MRM1: variants seen among roughly 807,000 people sequenced by gnomAD.
MRM1 encodes mitochondrial rRNA methyltransferase 1, also known as rRNA methyltransferase 1, mitochondrial.
A neutral mutation model predicts 25.0 loss-of-function variants in MRM1; 24 were observed. The observed-to-expected ratio is 0.96, with a 90% CI of 0.69 to 1.35. The LOEUF is 1.35. Ranked by LOEUF, MRM1 falls within the 40% of genes most tolerant of loss-of-function variation. The pLI is 0.00. For synonymous variants in MRM1, 188 were observed against 199.2 expected, an observed-to-expected ratio of 0.94 and a Z score of 0.47; for missense variants, 431 against 464.1, an observed-to-expected ratio of 0.93 and a Z score of 0.65.
At chr17:36,604,038 C>T (rs1197508220) in intron 2 of MRM1, among the ~76,000 whole-genome samples, 2 of 152,212 alleles carry the variant, frequency 1.3e-5, no homozygotes, top group East Asian at 1.9e-4. Context: ...GAGTGTCATC[C>T]GCCTGTTGCT....
chr17:36,632,124 G>A, the MRM1 span, among the ~76,000 whole-genome samples: 1 of 152,046 alleles, frequency 6.6e-6, no homozygotes, highest in South Asian at 2.1e-4. Flanking sequence ...CAAAGTGCTG[G>A]GATTACAGCT....
chr17:36,620,480 G>T, the MRM1 span, among the ~76,000 whole-genome samples: 14 of 152,290 alleles, frequency 9.2e-5, no homozygotes, highest in African/African-American at 3.4e-4. Context: ...CCAGTAGGAG[G>T]CCCAGGGAGG....
the MRM1 span, among the ~76,000 whole-genome samples, chr17:36,625,384 G>A: frequency 8.8e-5 from 6 of 67,810 alleles, no homozygotes; most frequent in East Asian, 6.2e-4. Flanking sequence ...CTTCCTCTTC[G>A]CTCTTCGTCT....
At chr17:36,627,290 G>A in the MRM1 span, among the ~76,000 whole-genome samples, 1,314 of 152,296 alleles carry the variant, frequency 8.6e-3, 18 homozygotes, top group African/African-American at 0.029. Flanking sequence ...GGAAGTGAGC[G>A]GGCTCCGTCA....
Position 36,608,518 on chromosome 17 carries a change from C to A in MRM1, c.*103C>A. On this transcript the variant is annotated 3_prime_UTR_variant, in exon 5 of 5. Coordinates refer to ENST00000614766, the MANE Select transcript of MRM1 (RefSeq NM_024864.5). ...GCCTCTGCCTGAGTGTGCACCAGGCCCATGTTTATTGACCACAGTCTGGGG... is the reference window on the plus strand; with the variant it reads ...GCCTCTGCCTGAGTGTGCACCAGGCACATGTTTATTGACCACAGTCTGGGG... The A allele has an allele frequency of 1.3e-6, 1 of 789,264 alleles. No homozygotes were observed. Among genetic ancestry groups the A allele is most frequent in the Non-Finnish European group, 1.8e-6 (1 of 543,096 alleles). The allele number at this position is 789,264 out of a possible 1,614,324, so 48.9% of individuals were successfully genotyped here.
chr17:36,627,460 T>C, the MRM1 span, among the ~76,000 whole-genome samples: 1 of 152,202 alleles, frequency 6.6e-6, no homozygotes, highest in Non-Finnish European at 1.5e-5. Flanking sequence ...CCCATCCCTA[T>C]CCGGTGGAAA....
chr17:36,619,677 A>C, the MRM1 span, among the ~76,000 whole-genome samples: 1 of 152,122 alleles, frequency 6.6e-6, no homozygotes, highest in East Asian at 1.9e-4. Flanking sequence ...GAAAAAAAAA[A>C]AAAGACGCTG....
chr17:36,620,015 G>A, the MRM1 span, among the ~76,000 whole-genome samples: 3 of 152,044 alleles, frequency 2.0e-5, no homozygotes, highest in East Asian at 1.9e-4. Context: ...ATGTCCATTC[G>A]TGCTCTTTGT....
Position 36,608,721 on chromosome 17 carries a change from G to A in MRM1, c.*306G>A, listed in dbSNP as rs1489876658. On this transcript the variant is annotated 3_prime_UTR_variant, in exon 5 of 5. Transcript: ENST00000614766. The stretch of plus-strand genomic sequence containing the variant: ...GAGGGAAAGTTTAGACATCTGCAGA[G>A]AGGCAGGCAGCCCAGCCCAGGGGAC... 11 of 345,626 alleles carry A rather than the reference G, an allele frequency of 3.2e-5. No homozygotes were observed. The Admixed American group carries it at 4.8e-4, about 15-fold the overall frequency. 21.4% of individuals were successfully genotyped at this position (345,626 alleles called of 1,614,324 possible). A position where few individuals can be genotyped will look rare whatever the true frequency, so the allele number is the denominator to read the frequency against.
chr17:36,612,345 TAC>T (rs2074981852), downstream of MRM1, among the ~76,000 whole-genome samples: 1 of 152,164 alleles, frequency 6.6e-6, no homozygotes, highest in Admixed American at 6.5e-5. Flanking sequence ...TTACAGGCCA[TAC>T]ACACACAGGT....
At chr17:36,626,069 C>T in the MRM1 span, among the ~76,000 whole-genome samples, 1 of 151,828 alleles carries the variant, frequency 6.6e-6, no homozygotes, top group Non-Finnish European at 1.5e-5. Context: ...CACCAGAGGG[C>T]GACAGACACT....
the MRM1 span, among the ~76,000 whole-genome samples, chr17:36,625,462 C>CTTTTTT: frequency 0.17 from 17,436 of 101,560 alleles, 2,232 homozygotes; most frequent in Non-Finnish European, 0.19. Flanking sequence ...CCTCCTCCTC[C>CTTTTTT]TTTTTTTTTT....
the MRM1 span, among the ~76,000 whole-genome samples, chr17:36,622,169 A>C: frequency 6.6e-6 from 1 of 152,108 alleles, no homozygotes; most frequent in African/African-American, 2.4e-5. Context: ...CTGGGATCTG[A>C]AAAGGGCACA....
chr17:36,618,449 G>T, the MRM1 span, among the ~76,000 whole-genome samples: 1 of 152,176 alleles, frequency 6.6e-6, no homozygotes, highest in Non-Finnish European at 1.5e-5. Flanking sequence ...CAGGGGGACT[G>T]TAAACAAAGA....
At chr17:36,624,541 A>C in the MRM1 span, among the ~76,000 whole-genome samples, 1 of 152,208 alleles carries the variant, frequency 6.6e-6, no homozygotes, top group Admixed American at 6.5e-5. The surrounding 1 kb of genome is among the most constrained non-coding windows in gnomAD (Gnocchi z 4.0). Flanking sequence ...CTCTCAAAGC[A>C]TGAGCATCCA....
the MRM1 span, among the ~76,000 whole-genome samples, chr17:36,618,020 T>C: frequency 6.6e-6 from 1 of 152,146 alleles, no homozygotes; most frequent in Non-Finnish European, 1.5e-5. Context: ...AGGCTGATAT[T>C]GATGGGCAGA....
chr17:36,631,703 C>A, the MRM1 span, among the ~76,000 whole-genome samples: 2 of 152,198 alleles, frequency 1.3e-5, no homozygotes, highest in Non-Finnish European at 2.9e-5. Context: ...GGAGTCTGTC[C>A]CTGGAGCCCT....
chr17:36,630,832 A>G, the MRM1 span, among the ~76,000 whole-genome samples: 1 of 152,076 alleles, frequency 6.6e-6, no homozygotes, highest in African/African-American at 2.4e-5. Flanking sequence ...TTGGTTAACA[A>G]ATGTTCCACA....
intron 4 of MRM1, 92 bp downstream of exon 4, chr17:36,608,110 G>A (rs1243659056): frequency 5.6e-5 from 87 of 1,544,416 alleles, no homozygotes; most frequent in Non-Finnish European, 7.0e-5. Context: ...CTGTTTGTGT[G>A]CCTCAGTTGC....
Sources: allele counts gnomAD v4.1 joint callset (sites outside exome capture counted in the v4.1 genomes callset), GRCh38; gene constraint gnomAD v4.1.1; non-coding constraint Gnocchi (gnomAD v3.1); transcripts MANE v1.5; gene names NCBI Gene and HGNC (gene_info 2026-07-23, HGNC 2026-07-21).